Variants in XKR6 observed in about 807,000 individuals in gnomAD.
XKR6 encodes XK related 6, also known as XK-related protein 6.
In XKR6, 22 loss-of-function variants were observed where a neutral mutation model predicts 56.7. The observed-to-expected ratio is 0.39, with a 90% CI of 0.28 to 0.55. The LOEUF (loss-of-function observed/expected upper bound fraction) is 0.55, where lower values mean the gene tolerates loss of function less well. Among genes scored for constraint, XKR6 ranks in the 20% least tolerant of loss-of-function variants. The pLI is 0.66. For missense variants in XKR6, 852 were observed against 889.0 expected, an observed-to-expected ratio of 0.96 and a Z score of 0.53; for synonymous variants, 524 against 387.8, an observed-to-expected ratio of 1.35 and a Z score of -4.13.
At chr8:11,071,019 G>A (rs1045742472) in intron 1 of XKR6, among the ~76,000 whole-genome samples, 5 of 152,218 alleles carry the variant, frequency 3.3e-5, no homozygotes, top group African/African-American at 1.2e-4. Flanking sequence ...TACGGCTGTG[G>A]TGACACAGAG....
At chr8:11,140,278 C>T (rs1800625032) in intron 1 of XKR6, among the ~76,000 whole-genome samples, 1 of 152,140 alleles carries the variant, frequency 6.6e-6, no homozygotes, top group Non-Finnish European at 1.5e-5. Flanking sequence ...GACTACAATC[C>T]AAGAAACGTT....
At chr8:10,905,905 T>G (rs1020088295) in intron 2 of XKR6, among the ~76,000 whole-genome samples, 9 of 152,134 alleles carry the variant, frequency 5.9e-5, no homozygotes, top group African/African-American at 2.2e-4. Flanking sequence ...ACCCACTGTC[T>G]CCCGTCCTCG....
chr8:11,046,293 A>G (rs904543157), intron 1 of XKR6, among the ~76,000 whole-genome samples: 1 of 152,094 alleles, frequency 6.6e-6, no homozygotes, highest in African/African-American at 2.4e-5. Context: ...CCGGCTACTC[A>G]GGAGGCTGAG....
intron 1 of XKR6, among the ~76,000 whole-genome samples, chr8:10,999,965 G>A (rs545961338): frequency 7.9e-5 from 12 of 152,256 alleles, no homozygotes; most frequent in East Asian, 5.8e-4. Context: ...TTGATTTCAC[G>A]GTCTCCATAT....
At chr8:10,922,601 T>C (rs971765148) in intron 2 of XKR6, among the ~76,000 whole-genome samples, 3 of 152,230 alleles carry the variant, frequency 2.0e-5, no homozygotes, top group Non-Finnish European at 4.4e-5. Context: ...AACTGCTGCA[T>C]GTTGTCCATG....
At chr8:10,992,321 G>C (rs1057289357) in intron 1 of XKR6, among the ~76,000 whole-genome samples, 4 of 151,772 alleles carry the variant, frequency 2.6e-5, no homozygotes, top group African/African-American at 9.7e-5. Flanking sequence ...ACACACCAGA[G>C]ACCAACAGAT....
chr8:10,988,944 G>T (rs1254389512), intron 1 of XKR6, among the ~76,000 whole-genome samples: 2 of 152,216 alleles, frequency 1.3e-5, no homozygotes, highest in Non-Finnish European at 2.9e-5. Flanking sequence ...CACAGCAAAA[G>T]GCAGAGGACA....
At chr8:10,912,656 A>ATGTATGTAAAGAGAGAAAGAGGGTG (rs1800432389) in intron 2 of XKR6, among the ~76,000 whole-genome samples, 1 of 44,218 alleles carries the variant, frequency 2.3e-5, no homozygotes, top group African/African-American at 1.2e-4. Context: ...GGGTGTCTAT[A>ATGTATGTAAAGAGAGAAAGAGGGTG]TGTGTGTCTA....
rs555439875 is a variant in XKR6 at position 11,055,536 on chromosome 8, G to A, written c.765-130706C>T. On this transcript the variant is annotated intron_variant, in intron 1 of 2. Transcript: ENST00000416569. ...GCCTCCCTCAGCCCTGCAGGGAGCG[G>A]CATGGGGTTCCGCCCGCCCCGCCTC... Among the ~76,000 whole-genome samples the A allele has an allele frequency of 1.9e-4, 29 of 152,284 alleles. No homozygotes were observed. In the South Asian group the frequency reaches 5.8e-3, roughly 30 times the overall value.
At chr8:10,997,162 G>GCAGCCC (rs1798132293) in intron 1 of XKR6, among the ~76,000 whole-genome samples, 1 of 152,008 alleles carries the variant, frequency 6.6e-6, no homozygotes, top group African/African-American at 2.4e-5. Flanking sequence ...TAGCTTTTAT[G>GCAGCCC]TATGCTTTAT....
intron 1 of XKR6, among the ~76,000 whole-genome samples, chr8:11,112,859 C>T (rs543610484): frequency 1.3e-5 from 2 of 152,210 alleles, no homozygotes; most frequent in Admixed American, 6.5e-5. Context: ...AAGCCACATA[C>T]ATGAAGAAAA....
chr8:11,190,280 G>A (rs956074141), intron 1 of XKR6, among the ~76,000 whole-genome samples: 1 of 151,054 alleles, frequency 6.6e-6, no homozygotes, highest in African/African-American at 2.4e-5. Context: ...GAAAAGAAAG[G>A]AAAATAAAAG....
chr8:11,048,353 G>A lies in XKR6; in HGVS notation c.765-123523C>T, dbSNP rs1012210371. 3.3e-5 allele frequency among the ~76,000 whole-genome samples: 5 copies of A among 152,274 alleles called. No homozygotes were observed. The South Asian group carries it at 6.2e-4, about 19-fold the overall frequency. On this transcript the variant is annotated intron_variant, in intron 1 of 2. Transcript: ENST00000416569. Reference sequence around the variant, plus strand: ...GAAGTTCAGGTCTTCTCGCCAGGGGGAGGGAAACTACTGCTTTCTGGAGGC... The same window carrying A: ...GAAGTTCAGGTCTTCTCGCCAGGGGAAGGGAAACTACTGCTTTCTGGAGGC...
chr8:10,952,884 C>A (rs756670240), intron 1 of XKR6, among the ~76,000 whole-genome samples: 1 of 152,172 alleles, frequency 6.6e-6, no homozygotes, highest in Non-Finnish European at 1.5e-5. Context: ...GAAGCATTAC[C>A]ACCTGAGCTC....
In XKR6 at chr8:11,200,189, TGGA is replaced by T. The variant is rs761947891; in HGVS notation, c.764+384_764+386del. Among the ~76,000 whole-genome samples the T allele has an allele frequency of 2.0e-5, 3 of 152,234 alleles. No individual in the cohort carries two copies. Among genetic ancestry groups the T allele is most frequent in the Non-Finnish European group, 2.9e-5 (2 of 67,988 alleles). On this transcript the variant is annotated intron_variant, in intron 1 of 2. Coordinates refer to ENST00000416569, the MANE Select transcript of XKR6 (RefSeq NM_173683.4). The surrounding 1 kb of genome is among the most constrained non-coding windows in gnomAD (Gnocchi z 6.4). ...TGGGAACAAACCCGAATGCAGCGGCTGGAGGAGGGAAGGCTCCCCGGGGCCGCG... is the reference window on the plus strand; with the variant it reads ...TGGGAACAAACCCGAATGCAGCGGCTGGAGGGAAGGCTCCCCGGGGCCGCG...
At chr8:11,183,676 A>T (rs1314095852) in intron 1 of XKR6, among the ~76,000 whole-genome samples, 1 of 152,170 alleles carries the variant, frequency 6.6e-6, no homozygotes, top group Non-Finnish European at 1.5e-5. Flanking sequence ...TAGTCAAAAT[A>T]AACTACAATG....
intron 1 of XKR6, among the ~76,000 whole-genome samples, chr8:10,989,101 A>G (rs1797930150): frequency 6.6e-6 from 1 of 152,218 alleles, no homozygotes; most frequent in South Asian, 2.1e-4. Flanking sequence ...CAGTGGAGTG[A>G]TGTCTGCAGC....
At chr8:10,960,292 G>C (rs1241570828) in intron 1 of XKR6, among the ~76,000 whole-genome samples, 2 of 152,134 alleles carry the variant, frequency 1.3e-5, no homozygotes, top group Admixed American at 1.3e-4. Context: ...GGTGGGTCAG[G>C]AACAGCAGAG....
chr8:10,942,234 A>G (rs906164902), intron 1 of XKR6, among the ~76,000 whole-genome samples: 4 of 152,170 alleles, frequency 2.6e-5, no homozygotes, highest in Non-Finnish European at 5.9e-5. Context: ...CAGCGTACTC[A>G]ACACAAAGTA....
Sources: gnomAD v4.1 joint callset for allele counts (sites outside exome capture counted in the v4.1 genomes callset) on GRCh38, gnomAD v4.1.1 for gene constraint, Gnocchi (gnomAD v3.1) non-coding constraint, MANE v1.5 for transcripts, NCBI Gene and HGNC (gene_info 2026-07-23, HGNC 2026-07-21) for gene names.